RNF19A: variants seen among roughly 807,000 people sequenced by gnomAD.
The protein encoded by RNF19A is E3 ubiquitin-protein ligase RNF19A.
In RNF19A, 32 loss-of-function variants were observed where a neutral mutation model predicts 75.7. The observed-to-expected ratio is 0.42, with a 90% confidence interval of 0.32 to 0.57. RNF19A has a LOEUF of 0.57. RNF19A is among the 20% of genes least tolerant of loss of function. RNF19A has a pLI of 0.10. For synonymous variants in RNF19A, 335 were observed against 345.2 expected (o/e 0.97, Z 0.33); for missense variants, 782 against 1,036.3 (o/e 0.75, Z 3.37).
rs929204216 is a variant in RNF19A, at chr8:100,324,316, A to G, written c.-242-10944T>C. ...TACTTGAGACTATTTTCAGAAGTAC[A>G]ATCTGCAGCACAATCAAGTTCAAGA... On this transcript the variant is annotated intron_variant, in intron 1 of 3. Transcript: ENST00000519527. The surrounding 1 kb of genome is among the most constrained non-coding windows in gnomAD (Gnocchi z 4.2). 3.3e-5 allele frequency among the ~76,000 whole-genome samples: 5 copies of G among 152,222 alleles called. No individual in the cohort carries two copies. The highest frequency in any genetic ancestry group is 6.5e-5 in the Admixed American group (1 of 15,282).
chr8:100,320,682 T>C (rs1047545801), intron 1 of RNF19A, among the ~76,000 whole-genome samples: 3 of 152,204 alleles, frequency 2.0e-5, no homozygotes, highest in African/African-American at 7.2e-5. Context: ...GTAATAAAAA[T>C]ACCTTCTTCA....
Position 100,264,493 on chromosome 8 carries a change from T to C in RNF19A, c.1306+178A>G. 1.7e-6 allele frequency: 1 copy of C among 596,692 alleles called. No individual in the cohort carries two copies. Among genetic ancestry groups the C allele is most frequent in the Non-Finnish European group, 2.9e-6 (1 of 341,600 alleles). 37.0% of individuals were successfully genotyped at this position (596,692 alleles called of 1,614,324 possible). Reference sequence around the variant, plus strand: ...AGTGGGGAGGAAGGGTATCAGCCACTAACAATTTACCAACTACTTTAAGGC... The same window carrying C: ...AGTGGGGAGGAAGGGTATCAGCCACCAACAATTTACCAACTACTTTAAGGC... On this transcript the variant is annotated intron_variant, in intron 6 of 9. Coordinates refer to ENST00000341084, the MANE Select transcript of RNF19A (RefSeq NM_183419.4). The surrounding 1 kb of genome is among the most constrained non-coding windows in gnomAD (Gnocchi z 4.7).
At chr8:100,268,723 T>TA in intron 5 of RNF19A, 62 bp downstream of exon 5, 1 of 790,110 alleles carries the variant, frequency 1.3e-6, no homozygotes, top group Non-Finnish European at 1.8e-6. Flanking sequence ...TCATCAATAC[T>TA]AAAAGAATAC....
rs900730995 is a variant in RNF19A at position 100,325,445 on chromosome 8, T to C, written c.-243+10663A>G. Among the ~76,000 whole-genome samples, 6 of 152,190 alleles carry C rather than the reference T, an allele frequency of 3.9e-5. No homozygotes were observed. The highest frequency in any genetic ancestry group is 2.0e-4 in the Admixed American group (3 of 15,282). ...GTTTAACCTGGCCAGTTTCATGATC[T>C]CTGATGCTGGTGAGACCACACCTTG... On this transcript the variant is annotated intron_variant, in intron 1 of 3. Coordinates refer to the RNF19A transcript ENST00000519527. This position sits in a 1 kb window ranked among gnomAD's most constrained non-coding sequence, Gnocchi z 4.3.
At chr8:100,266,482 G>A (rs1051111004) in intron 5 of RNF19A, among the ~76,000 whole-genome samples, 5 of 151,994 alleles carry the variant, frequency 3.3e-5, no homozygotes, top group Middle Eastern at 3.2e-3. Flanking sequence ...GAAAAATTAC[G>A]ATCAGCTAAT....
At chr8:100,277,657 T>C (rs1820590719) in intron 2 of RNF19A, among the ~76,000 whole-genome samples, 1 of 152,212 alleles carries the variant, frequency 6.6e-6, no homozygotes, top group African/African-American at 2.4e-5. Context: ...TATCCAGATA[T>C]GTTCAAACAG....
rs772909659 is a variant in RNF19A, at chr8:100,329,617, A to C, written c.-243+6491T>G. Among the ~76,000 whole-genome samples the C allele has an allele frequency of 6.6e-6, 1 of 152,224 alleles. No homozygotes were observed. Among genetic ancestry groups the C allele is most frequent in the Non-Finnish European group, 1.5e-5 (1 of 68,034 alleles). On this transcript the variant is annotated intron_variant, in intron 1 of 3. Transcript: ENST00000519527. This position sits in a 1 kb window ranked among gnomAD's most constrained non-coding sequence, Gnocchi z 4.3. Reference sequence around the variant, plus strand: ...AGAGAGACACATGCAAACTAGCATGAATCCAAAGACAGACAACTAGGTTAA... The same window carrying C: ...AGAGAGACACATGCAAACTAGCATGCATCCAAAGACAGACAACTAGGTTAA...
chr8:100,265,665 TA>T (rs1316291685), intron 5 of RNF19A, among the ~76,000 whole-genome samples: 1 of 152,170 alleles, frequency 6.6e-6, no homozygotes, highest in Non-Finnish European at 1.5e-5. Flanking sequence ...ACTTATAAAA[TA>T]ATCTATTATT....
In RNF19A at chr8:100,259,928, C is replaced by G. The variant is rs756679874; in HGVS notation, c.1752G>C (p.Leu584Phe). Residue 584 changes from leucine (L) to phenylalanine (F), a missense_variant, in exon 9 of 10, where the codon TTG becomes TTC. This residue lies in a region of RNF19A where 442 missense variants were observed against 541.6 expected (regional missense o/e 0.82). Coordinates refer to ENST00000341084, the MANE Select transcript of RNF19A (RefSeq NM_183419.4). This position sits in a 1 kb window ranked among gnomAD's most constrained non-coding sequence, Gnocchi z 4.5. Reference sequence around the variant, plus strand: ...TGCTGGCATTATCACTAACTGTTCCCAAGCTGACTGTGCCAGATTCTCCAC... The same window carrying G: ...TGCTGGCATTATCACTAACTGTTCCGAAGCTGACTGTGCCAGATTCTCCAC... ...SLSGESGTVSLGTVSDNASTK... is the reference protein window; with the variant it reads ...SLSGESGTVSFGTVSDNASTK... 2 of 1,613,764 alleles carry G rather than the reference C, an allele frequency of 1.2e-6. No individual in the cohort carries two copies. Among genetic ancestry groups the G allele is most frequent in the South Asian group, 2.2e-5 (2 of 91,082 alleles).
intron 1 of RNF19A, among the ~76,000 whole-genome samples, chr8:100,319,445 G>T (rs1364295691): frequency 6.6e-6 from 1 of 151,508 alleles, no homozygotes; most frequent in Non-Finnish European, 1.5e-5. Context: ...TGGAGTTGAG[G>T]CCTACTTTGC....
At chr8:100,301,463 T>C (rs1445137818) in intron 1 of RNF19A, among the ~76,000 whole-genome samples, 1 of 152,198 alleles carries the variant, frequency 6.6e-6, no homozygotes, top group Non-Finnish European at 1.5e-5. Flanking sequence ...CCCTCCACAG[T>C]GCAACCTCAG....
intron 2 of RNF19A, among the ~76,000 whole-genome samples, chr8:100,276,770 TTTG>T (rs1364863828): frequency 6.6e-6 from 1 of 150,900 alleles, no homozygotes; most frequent in Non-Finnish European, 1.5e-5. Flanking sequence ...ATGAGGGATC[TTTG>T]TTGTGATGGA....
intron 1 of RNF19A, among the ~76,000 whole-genome samples, chr8:100,301,033 G>GT (rs986160794): frequency 1.3e-5 from 2 of 152,162 alleles, no homozygotes; most frequent in African/African-American, 2.4e-5. Context: ...ACCTATTTTT[G>GT]TAAGTGAGAA....
At chr8:100,293,879 C>T (rs1253311170) in intron 1 of RNF19A, among the ~76,000 whole-genome samples, 2 of 152,208 alleles carry the variant, frequency 1.3e-5, no homozygotes, top group African/African-American at 4.8e-5. Flanking sequence ...CTCCAATCTG[C>T]TGTTAAATCC....
rs1238538044 is a variant in RNF19A, at chr8:100,329,276, C to T, written c.-243+6832G>A. On this transcript the variant is annotated intron_variant, in intron 1 of 3. Coordinates refer to the RNF19A transcript ENST00000519527. This position sits in a 1 kb window ranked among gnomAD's most constrained non-coding sequence, Gnocchi z 4.3. ...ACACACATACACGTACACAAACACA[C>T]ACATTAGGACGTTCTATTCTTTTGG... Among the ~76,000 whole-genome samples the T allele has an allele frequency of 2.0e-5, 3 of 152,116 alleles. No individual in the cohort carries two copies. In the East Asian group the frequency reaches 5.8e-4, roughly 29 times the overall value.
chr8:100,332,924 A>T lies in RNF19A; in HGVS notation c.-243+3184T>A, dbSNP rs1417184179. On this transcript the variant is annotated intron_variant, in intron 1 of 3. Transcript: ENST00000519527. The surrounding 1 kb of genome is among the most constrained non-coding windows in gnomAD (Gnocchi z 4.8). Reference sequence around the variant, plus strand: ...CATATGTGTTTCAATTTTTTTCTATATTGCTGTTTAATCTTTCATTTTGTC... The same window carrying T: ...CATATGTGTTTCAATTTTTTTCTATTTTGCTGTTTAATCTTTCATTTTGTC... Among the ~76,000 whole-genome samples, 5 of 151,692 alleles carry T rather than the reference A, an allele frequency of 3.3e-5. No homozygotes were observed. The highest frequency in any genetic ancestry group is 1.2e-4 in the African/African-American group (5 of 41,258).
rs540467020 is a variant in RNF19A at position 100,319,836 on chromosome 8, T to A, written c.-242-6464A>T. 1.5e-4 allele frequency among the ~76,000 whole-genome samples: 21 copies of A among 139,400 alleles called. No individual in the cohort carries two copies. In the South Asian group the frequency reaches 4.8e-3, roughly 32 times the overall value. The allele number at this position is 139,400 out of a possible 152,430, so 91.5% of individuals were successfully genotyped here. A position where few individuals can be genotyped will look rare whatever the true frequency, so the allele number is the denominator to read the frequency against. ...TGAGCCACCGCGTCCAGGCTTTTTTTTTCTTTTTTTTTTTTCGAGATGGAA... is the reference window on the plus strand; with the variant it reads ...TGAGCCACCGCGTCCAGGCTTTTTTATTCTTTTTTTTTTTTCGAGATGGAA... On this transcript the variant is annotated intron_variant, in intron 1 of 3. Coordinates refer to the RNF19A transcript ENST00000519527.
chr8:100,284,466 C>T lies in RNF19A; in HGVS notation c.674+3035G>A, dbSNP rs367566529. On this transcript the variant is annotated intron_variant, in intron 2 of 9. Coordinates refer to ENST00000341084, the MANE Select transcript of RNF19A (RefSeq NM_183419.4). This position sits in a 1 kb window ranked among gnomAD's most constrained non-coding sequence, Gnocchi z 4.3. Reference sequence around the variant, plus strand: ...ATCTCTGTGACTTTTTTTCCTCTGTCCTTTGTGGGTAAGACTATGACAACC... The same window carrying T: ...ATCTCTGTGACTTTTTTTCCTCTGTTCTTTGTGGGTAAGACTATGACAACC... Among the ~76,000 whole-genome samples, 6 of 152,094 alleles carry T rather than the reference C, an allele frequency of 3.9e-5. No homozygotes were observed. Among genetic ancestry groups the T allele is most frequent in the African/African-American group, 1.4e-4 (6 of 41,510 alleles).
chr8:100,262,857 A>G (rs1039644713), intron 7 of RNF19A, among the ~76,000 whole-genome samples: 23 of 152,302 alleles, frequency 1.5e-4, no homozygotes, highest in Admixed American at 1.4e-3. Context: ...AGGAAGCAGC[A>G]GAATTTGCTG....
Sources: gnomAD v4.1 joint callset for allele counts (sites outside exome capture counted in the v4.1 genomes callset) on GRCh38, gnomAD v4.1.1 for gene constraint, gnomAD v4.1.1 regional missense constraint, Gnocchi (gnomAD v3.1) non-coding constraint, MANE v1.5 for transcripts, NCBI Gene and HGNC (gene_info 2026-07-23, HGNC 2026-07-21) for gene names.